The following ZNF787 variants were observed in gnomAD, a reference collection of about 807,000 sequenced individuals.
The protein encoded by ZNF787 is zinc finger protein 787.
Under a neutral mutation model 16.9 loss-of-function variants are expected in ZNF787, and 7 were observed. That is an observed-to-expected ratio of 0.42 (90% CI 0.24 to 0.78). ZNF787 has a LOEUF of 0.78. Among genes scored for constraint, ZNF787 ranks in the 30% least tolerant of loss-of-function variants. The probability of loss-of-function intolerance (pLI) is 0.30; values close to 1 mark genes in which losing one functional copy is unlikely to be tolerated. For synonymous variants in ZNF787, 345 were observed against 270.9 expected (o/e 1.27, Z -2.69); for missense variants, 551 against 589.3 (o/e 0.94, Z 0.67).
chr19:56,118,478 G>C (rs953801888), intron 1 of ZNF787, among the ~76,000 whole-genome samples: 1 of 152,184 alleles, frequency 6.6e-6, no homozygotes, highest in Non-Finnish European at 1.5e-5. Context: ...CAAGGGTCTG[G>C]GCTCTGGAAT....
intron 2 of ZNF787, among the ~76,000 whole-genome samples, chr19:56,099,441 G>A (rs545620276): frequency 5.9e-5 from 9 of 152,288 alleles, no homozygotes; most frequent in East Asian, 5.8e-4. Flanking sequence ...CACCAGGTGC[G>A]GTGGCTCATG....
intron 1 of ZNF787, among the ~76,000 whole-genome samples, chr19:56,110,493 G>GT (rs775970712): frequency 4.0e-5 from 6 of 151,140 alleles, no homozygotes; most frequent in East Asian, 1.9e-4. Flanking sequence ...TTAAAAATGC[G>GT]TAAGACTCAG....
chr19:56,094,809 G>A (rs1985807579), intron 2 of ZNF787, among the ~76,000 whole-genome samples: 1 of 152,082 alleles, frequency 6.6e-6, no homozygotes, highest in South Asian at 2.1e-4. Flanking sequence ...CAGATCACCA[G>A]GCATTAGATT....
At chr19:56,107,528 G>C (rs927475045) in intron 1 of ZNF787, among the ~76,000 whole-genome samples, 2 of 142,480 alleles carry the variant, frequency 1.4e-5, no homozygotes, top group Admixed American at 6.9e-5. Context: ...GGGTCACTGG[G>C]AGAAACGAGT....
At chr19:56,089,982 C>A (rs1285178314) in intron 2 of ZNF787, among the ~76,000 whole-genome samples, 1 of 152,186 alleles carries the variant, frequency 6.6e-6, no homozygotes, top group African/African-American at 2.4e-5. Context: ...TCCAGAGCAA[C>A]AGAATCAGGT....
intron 1 of ZNF787, among the ~76,000 whole-genome samples, chr19:56,107,652 G>A (rs971366973): frequency 1.4e-4 from 21 of 152,070 alleles, no homozygotes; most frequent in Middle Eastern, 6.8e-3. Flanking sequence ...GGAAGCACAC[G>A]GGGAGGGGGG....
chr19:56,113,505 A>G (rs1218890047), intron 1 of ZNF787, among the ~76,000 whole-genome samples: 1 of 152,236 alleles, frequency 6.6e-6, no homozygotes, highest in Non-Finnish European at 1.5e-5. Context: ...TGGTCCATCC[A>G]TGACCGTAAT....
intron 2 of ZNF787, among the ~76,000 whole-genome samples, chr19:56,097,337 G>T (rs1985909087): frequency 6.6e-6 from 1 of 152,218 alleles, no homozygotes; most frequent in Admixed American, 6.5e-5. Context: ...AAATTTCTAA[G>T]GTTTCAAAAA....
Position 56,103,849 on chromosome 19 carries a change from G to A in ZNF787, c.-10-622C>T, listed in dbSNP as rs559075387. Reference sequence around the variant, plus strand: ...TGCCACGCACCGGGAGGGTCTCTACGCACGACACCGCCGACCCGTGCCACG... The same window carrying A: ...TGCCACGCACCGGGAGGGTCTCTACACACGACACCGCCGACCCGTGCCACG... On this transcript the variant is annotated intron_variant, in intron 1 of 2. Transcript: ENST00000610935. Among the ~76,000 whole-genome samples, 8 of 96,628 alleles carry A rather than the reference G, an allele frequency of 8.3e-5. No homozygotes were observed. The East Asian group carries it at 1.9e-3, about 23-fold the overall frequency. The allele number at this position is 96,628 out of a possible 152,430, so 63.4% of individuals were successfully genotyped here.
chr19:56,115,422 G>A (rs1460046201), intron 1 of ZNF787, among the ~76,000 whole-genome samples: 48 of 146,132 alleles, frequency 3.3e-4, no homozygotes, highest in Admixed American at 2.7e-3. Flanking sequence ...GCAGTGGCGC[G>A]ATCTCGGCTC....
chr19:56,087,802 C>A lies in ZNF787; in HGVS notation c.*221G>T, dbSNP rs547524018. The A allele has an allele frequency of 8.6e-6, 6 of 694,046 alleles. No individual in the cohort carries two copies. The East Asian group carries it at 2.5e-4, about 29-fold the overall frequency. 43.0% of individuals were successfully genotyped at this position (694,046 alleles called of 1,614,324 possible). ...GGCCGATAACTTAGGAAGGGCGGGCCAGGCTGAGGGGGCAGAGTCTCGAGG... is the reference window on the plus strand; with the variant it reads ...GGCCGATAACTTAGGAAGGGCGGGCAAGGCTGAGGGGGCAGAGTCTCGAGG... On this transcript the variant is annotated 3_prime_UTR_variant, in exon 3 of 3. Coordinates refer to ENST00000610935, the MANE Select transcript of ZNF787 (RefSeq NM_001002836.4).
At position 56,087,532 on chromosome 19, in the gene ZNF787, AT is replaced by A. The variant is rs1181619372; in HGVS notation, c.*490del. 4 of 152,340 alleles carry A rather than the reference AT, an allele frequency of 2.6e-5. No homozygotes were observed. Among genetic ancestry groups the A allele is most frequent in the African/African-American group, 9.7e-5 (4 of 41,446 alleles). 9.4% of individuals were successfully genotyped at this position (152,340 alleles called of 1,614,324 possible). A position where few individuals can be genotyped will look rare whatever the true frequency, so the allele number is the denominator to read the frequency against. ...GATGGGACCCGGAAGGCAGAAAAAA[AT>A]AATGGATTGGGGCGGGCGGGGAGTC... On this transcript the variant is annotated 3_prime_UTR_variant, in exon 3 of 3. Coordinates refer to ENST00000610935, the MANE Select transcript of ZNF787 (RefSeq NM_001002836.4).
chr19:56,101,163 G>A (rs1445750454), intron 2 of ZNF787, among the ~76,000 whole-genome samples: 1 of 148,798 alleles, frequency 6.7e-6, no homozygotes, highest in Non-Finnish European at 1.5e-5. Flanking sequence ...ACACGCCATG[G>A]CCAGGCCAAC....
At chr19:56,112,136 A>G (rs2029997870) in intron 1 of ZNF787, among the ~76,000 whole-genome samples, 1 of 152,128 alleles carries the variant, frequency 6.6e-6, no homozygotes. Flanking sequence ...CGGGGGCACC[A>G]GGAGCTGCGG....
chr19:56,115,058 G>C (rs1426548543), intron 1 of ZNF787, among the ~76,000 whole-genome samples: 1 of 152,230 alleles, frequency 6.6e-6, no homozygotes, highest in East Asian at 1.9e-4. Context: ...CTGGCATCTT[G>C]CATGGGGCCC....
chr19:56,099,731 G>GAAA (rs758151035), intron 2 of ZNF787, among the ~76,000 whole-genome samples: 4 of 137,830 alleles, frequency 2.9e-5, no homozygotes, highest in African/African-American at 5.8e-5. Flanking sequence ...AAAAAGAAAA[G>GAAA]AGAGAGAGAG....
chr19:56,097,506 C>T (rs1177980773), intron 2 of ZNF787, among the ~76,000 whole-genome samples: 1 of 152,236 alleles, frequency 6.6e-6, no homozygotes, highest in South Asian at 2.1e-4. Context: ...GGCCTCAGCC[C>T]GGCAGGCAGT....
chr19:56,104,643 C>T (rs1464794603), intron 1 of ZNF787, among the ~76,000 whole-genome samples: 2 of 152,090 alleles, frequency 1.3e-5, no homozygotes, highest in Non-Finnish European at 2.9e-5. Flanking sequence ...CCAAGAGGAT[C>T]TCTACACACA....
Position 56,088,057 on chromosome 19 carries a change from C to T in ZNF787, c.1115G>A (p.Arg372Gln). ...EDDDDEAAGG[R>Q]CPECRGGEGR ...CTCCCCACCGCGGCACTCGGGGCAC[C>T]GCCCGCCCGCGGCCTCGTCGTCGTC... Residue 372 changes from arginine to glutamine, a missense_variant, in exon 3 of 3, where the codon CGG becomes CAG. By Grantham distance (43) the Arg-to-Gln change is conservative. This residue lies in a region of ZNF787 where 392 missense variants were observed against 312.7 expected (regional missense o/e 1.25). Transcript: ENST00000610935. This position sits in a 1 kb window ranked among gnomAD's most constrained non-coding sequence, Gnocchi z 8.6. The T allele has an allele frequency of 4.2e-6, 6 of 1,419,028 alleles. No homozygotes were observed. Among genetic ancestry groups the T allele is most frequent in the South Asian group, 2.9e-5 (2 of 68,956 alleles). 87.9% of individuals were successfully genotyped at this position (1,419,028 alleles called of 1,614,324 possible). A position where few individuals can be genotyped will look rare whatever the true frequency, so the allele number is the denominator to read the frequency against.
Sources: allele counts gnomAD v4.1 joint callset (sites outside exome capture counted in the v4.1 genomes callset), GRCh38; gene constraint gnomAD v4.1.1; regional missense constraint gnomAD v4.1.1; non-coding constraint Gnocchi (gnomAD v3.1); transcripts MANE v1.5; gene names NCBI Gene and HGNC (gene_info 2026-07-23, HGNC 2026-07-21).